RHOBTB2: variants seen among roughly 807,000 people sequenced by gnomAD.
The protein encoded by RHOBTB2 is rho-related BTB domain-containing protein 2.
In RHOBTB2, 39 loss-of-function variants were observed where a neutral mutation model predicts 66.5. The observed-to-expected ratio is 0.59, with a 90% CI of 0.45 to 0.77. RHOBTB2 has a LOEUF of 0.77. Ranked by LOEUF, RHOBTB2 falls within the 30% of genes least tolerant of loss-of-function variation. The pLI, the probability that RHOBTB2 is intolerant of heterozygous loss-of-function variation, is 0.00. For synonymous variants in RHOBTB2, 390 were observed against 395.0 expected (o/e 0.99, Z 0.15); for missense variants, 755 against 999.1 (o/e 0.76, Z 3.29).
rs550302140 is a variant in RHOBTB2, at chr8:23,010,602, T to A, written c.1685T>A (p.Met562Lys). 4.1e-5 allele frequency: 66 copies of A among 1,614,084 alleles called. 1 individual carries two copies. The South Asian group carries it at 7.0e-4, about 17-fold the overall frequency. ...GTGCTGGAATACCTCTACACCGGCATGTTCACCTCCAGCCCCGACCTGGAT... is the reference window on the plus strand; with the variant it reads ...GTGCTGGAATACCTCTACACCGGCAAGTTCACCTCCAGCCCCGACCTGGAT... ...RAVLEYLYTGMFTSSPDLDDM... is the reference protein window; with the variant it reads ...RAVLEYLYTGKFTSSPDLDDM... Residue 562 changes from methionine to lysine, a missense_variant, in exon 7 of 10, where the codon ATG (methionine) becomes AAG (lysine). Physicochemically the swap from Met to Lys is moderately conservative, Grantham distance 95. This residue lies in a region of RHOBTB2 where 353 missense variants were observed against 458.2 expected (regional missense o/e 0.77). Coordinates refer to ENST00000251822, the MANE Select transcript of RHOBTB2 (RefSeq NM_015178.3).
intron 8 of RHOBTB2, among the ~76,000 whole-genome samples, chr8:23,015,285 A>G (rs1811258046): frequency 6.6e-6 from 1 of 152,154 alleles, no homozygotes; most frequent in Non-Finnish European, 1.5e-5. Context: ...GCCTCCGTGC[A>G]GGCTGCCTTG....
chr8:23,004,742 G>A lies in RHOBTB2; in HGVS notation c.192+116G>A. Reference sequence around the variant, plus strand: ...ACGGGAGCCCTCTAGGGGTGGGACAGGATGGGTTGGGGGCAGCTGAAGAGG... The same window carrying A: ...ACGGGAGCCCTCTAGGGGTGGGACAAGATGGGTTGGGGGCAGCTGAAGAGG... On this transcript the variant is annotated intron_variant, in intron 2 of 9. Coordinates refer to ENST00000251822, the MANE Select transcript of RHOBTB2 (RefSeq NM_015178.3). The surrounding 1 kb of genome is among the most constrained non-coding windows in gnomAD (Gnocchi z 6.4). The A allele has an allele frequency of 1.0e-6, 1 of 993,016 alleles. No homozygotes were observed. Among genetic ancestry groups the A allele is most frequent in the Non-Finnish European group, 1.5e-6 (1 of 666,014 alleles). The allele number at this position is 993,016 out of a possible 1,614,324, so 61.5% of individuals were successfully genotyped here.
rs765079656 is a variant in RHOBTB2, at chr8:23,015,710, A to T, written c.1933A>T (p.Lys645Ter). ...CACCAACTACAACAACGTGTGCCGCAAGTTCCCCCGAGACATGAAGGCCAT... is the reference window on the plus strand; with the variant it reads ...CACCAACTACAACAACGTGTGCCGCTAGTTCCCCCGAGACATGAAGGCCAT... ...ICTNYNNVCR[K>*]FPRDMKAMSP... The change falls in exon 9 of 10, where the codon AAG becomes TAG. Residue 645 changes from lysine (K) to a stop codon, truncating the protein, a stop_gained. Coordinates refer to ENST00000251822, the MANE Select transcript of RHOBTB2 (RefSeq NM_015178.3). LOFTEE classifies it high-confidence loss of function. 4.3e-6 allele frequency: 7 copies of T among 1,613,636 alleles called. No homozygotes were observed. Among genetic ancestry groups the T allele is most frequent in the Non-Finnish European group, 5.9e-6 (7 of 1,179,840 alleles).
chr8:22,979,821 G>A, the RHOBTB2 span, among the ~76,000 whole-genome samples: 6 of 138,262 alleles, frequency 4.3e-5, no homozygotes, highest in South Asian at 2.3e-4. Context: ...GCAGTGGAGC[G>A]ATCGCAGCTC....
At chr8:23,015,795 G>A (rs768201325) in intron 9 of RHOBTB2, 52 bp downstream of exon 9, 8 of 1,270,930 alleles carry the variant, frequency 6.3e-6, no homozygotes, top group Non-Finnish European at 9.1e-6. Flanking sequence ...CCTTAGGGGT[G>A]CACAGCTCCC....
chr8:22,995,014 C>G (rs1321148354), upstream of RHOBTB2, among the ~76,000 whole-genome samples: 1 of 152,172 alleles, frequency 6.6e-6, no homozygotes, highest in East Asian at 1.9e-4. Flanking sequence ...GATCCACCTG[C>G]CTTGGCCTCC....
intron 1 of RHOBTB2, 98 bp downstream of exon 1, chr8:23,000,203 T>TC: frequency 2.4e-6 from 2 of 841,174 alleles, no homozygotes; most frequent in Non-Finnish European, 2.9e-6. Flanking sequence ...CTCGCTACGT[T>TC]CCCCGGGCCC....
chr8:22,952,773 C>T, the RHOBTB2 span, among the ~76,000 whole-genome samples: 3 of 152,036 alleles, frequency 2.0e-5, no homozygotes, highest in Admixed American at 6.5e-5. Context: ...GGCATAGTGG[C>T]GCATGCCTGC....
At chr8:22,973,058 C>A in the RHOBTB2 span, among the ~76,000 whole-genome samples, 3 of 150,558 alleles carry the variant, frequency 2.0e-5, no homozygotes, top group Admixed American at 6.6e-5. Flanking sequence ...TGCTTCTCAA[C>A]CTTGCTGCCT....
upstream of RHOBTB2, chr8:22,995,856 C>T: frequency 6.4e-7 from 1 of 1,551,566 alleles, no homozygotes; most frequent in Non-Finnish European, 8.7e-7. Context: ...CTGTAGTGTT[C>T]CAGGAGAGGG....
rs113254685 is a variant in RHOBTB2, at chr8:23,004,164, C to T, written c.-10-261C>T. On this transcript the variant is annotated intron_variant, in intron 1 of 9. Coordinates refer to ENST00000251822, the MANE Select transcript of RHOBTB2 (RefSeq NM_015178.3). The surrounding 1 kb of genome is among the most constrained non-coding windows in gnomAD (Gnocchi z 6.4). The stretch of plus-strand genomic sequence containing the variant: ...CTCGCGTAGGTCTCCTTCATCCAGA[C>T]GCACAGCTGGAGGATCGTGGGAGCA... The T allele has an allele frequency of 8.6e-4, 435 of 508,404 alleles. 1 individual carries two copies. The highest frequency in any genetic ancestry group is 7.5e-3 in the African/African-American group (391 of 51,932). The allele number at this position is 508,404 out of a possible 1,614,324, so 31.5% of individuals were successfully genotyped here.
At chr8:22,966,352 C>CA in the RHOBTB2 span, among the ~76,000 whole-genome samples, 28 of 147,410 alleles carry the variant, frequency 1.9e-4, 1 homozygote, top group African/African-American at 5.0e-4. Flanking sequence ...GACTTTGTCT[C>CA]AAAAAAAAAG....
upstream of RHOBTB2, among the ~76,000 whole-genome samples, chr8:22,982,638 C>A (rs1025051103): frequency 6.6e-6 from 1 of 152,132 alleles, no homozygotes; most frequent in African/African-American, 2.4e-5. Flanking sequence ...GCTGTGATTG[C>A]GCCACTGCAC....
rs149060341 is a variant in RHOBTB2, at chr8:23,004,001, G to T, written c.-10-424G>T. On this transcript the variant is annotated intron_variant, in intron 1 of 9. Transcript: ENST00000251822. This position sits in a 1 kb window ranked among gnomAD's most constrained non-coding sequence, Gnocchi z 6.4. ...AGGCATGCTGGGAAGGGGTGGGGAC[G>T]TGGCCGACTCTGCTTCTCTCAGCTG... 1 of 269,280 alleles carries T rather than the reference G, an allele frequency of 3.7e-6. No individual in the cohort carries two copies. The highest frequency in any genetic ancestry group is 4.9e-5 in the Admixed American group (1 of 20,342). 16.7% of individuals were successfully genotyped at this position (269,280 alleles called of 1,614,324 possible).
chr8:22,969,361 C>T, the RHOBTB2 span, among the ~76,000 whole-genome samples: 1 of 151,978 alleles, frequency 6.6e-6, no homozygotes, highest in African/African-American at 2.4e-5. Flanking sequence ...CACAGCCAAA[C>T]CATATCACTG....
chr8:22,969,821 G>A, the RHOBTB2 span, among the ~76,000 whole-genome samples: 3 of 152,240 alleles, frequency 2.0e-5, no homozygotes, highest in Non-Finnish European at 4.4e-5. Flanking sequence ...GCAGGATCGG[G>A]GTCACTGCAA....
chr8:22,985,621 G>A (rs764805514), upstream of RHOBTB2, among the ~76,000 whole-genome samples: 18 of 152,274 alleles, frequency 1.2e-4, no homozygotes, highest in Non-Finnish European at 2.2e-4. Context: ...TTATGCAGGC[G>A]CCCCACAAGC....
intron 1 of RHOBTB2, chr8:23,003,904 GAA>G (rs1220231981): frequency 5.1e-6 from 1 of 194,594 alleles, no homozygotes; most frequent in Non-Finnish European, 1.1e-5. Context: ...GAGGGCAAGG[GAA>G]AGAGTGGAGG....
chr8:22,971,211 A>ATC, the RHOBTB2 span, among the ~76,000 whole-genome samples: 3 of 150,764 alleles, frequency 2.0e-5, no homozygotes, highest in Non-Finnish European at 4.4e-5. Flanking sequence ...AAGAGACAAG[A>ATC]TCTCATTCTG....
Sources: allele counts gnomAD v4.1 joint callset (sites outside exome capture counted in the v4.1 genomes callset), GRCh38; gene constraint gnomAD v4.1.1; regional missense constraint gnomAD v4.1.1; non-coding constraint Gnocchi (gnomAD v3.1); transcripts MANE v1.5; gene names NCBI Gene and HGNC (gene_info 2026-07-23, HGNC 2026-07-21).